The following GEMIN5 variants were observed in gnomAD, a reference collection of about 807,000 sequenced individuals.
GEMIN5 encodes gem-associated protein 5.
Under a neutral mutation model 176.9 loss-of-function variants are expected in GEMIN5, and 124 were observed. The ratio of observed to expected loss-of-function variants is 0.70; its 90% CI spans 0.61 to 0.81. The LOEUF (loss-of-function observed/expected upper bound fraction) is 0.81, where lower values mean the gene tolerates loss of function less well. GEMIN5 is among the 40% of genes least tolerant of loss of function. The pLI, the probability that GEMIN5 is intolerant of heterozygous loss-of-function variation, is 0.00. For synonymous variants in GEMIN5, 673 were observed against 665.2 expected, an observed-to-expected ratio of 1.01 and a Z score of -0.18; for missense variants, 1,843 against 1,814.6, an observed-to-expected ratio of 1.02 and a Z score of -0.28.
At chr5:154,917,239 C>A (rs1763832219) in intron 12 of GEMIN5, 60 bp from the exon 13 acceptor site, 1 of 869,384 alleles carries the variant, frequency 1.2e-6, no homozygotes, top group Non-Finnish European at 1.7e-6. Flanking sequence ...AGTTACAATG[C>A]AAATAGTAGC....
chr5:154,917,477 C>G (rs1763837826), intron 12 of GEMIN5, among the ~76,000 whole-genome samples: 1 of 152,164 alleles, frequency 6.6e-6, no homozygotes. Context: ...TCCTAGCATT[C>G]TAACAATGCT....
rs1763172322 is a variant in GEMIN5 at position 154,889,207 on chromosome 5, G to A, written c.4359+114C>T. 7 of 620,482 alleles carry A rather than the reference G, an allele frequency of 1.1e-5. No individual in the cohort carries two copies. The Admixed American group carries it at 1.3e-4, about 11-fold the overall frequency. The allele number at this position is 620,482 out of a possible 1,614,324, so 38.4% of individuals were successfully genotyped here. On this transcript the variant is annotated intron_variant, in intron 27 of 27. Coordinates refer to ENST00000285873, the MANE Select transcript of GEMIN5 (RefSeq NM_015465.5). The stretch of plus-strand genomic sequence containing the variant: ...CTAAATTCTTAAGCACATATGAATG[G>A]GTAGAGATTTTAGAAACTGAACAGA...
intron 3 of GEMIN5, 95 bp downstream of exon 3, chr5:154,935,746 T>TA (rs1764253800): frequency 1.2e-6 from 1 of 836,954 alleles, no homozygotes; most frequent in Admixed American, 2.3e-5. Flanking sequence ...GTAGATGGTT[T>TA]CCTTTGAGGA....
At position 154,913,050 on chromosome 5, in the gene GEMIN5, AG is replaced by A. The variant is rs1221436386; in HGVS notation, c.1856-13del. 15 of 1,597,188 alleles carry A rather than the reference AG, an allele frequency of 9.4e-6. No homozygotes were observed. Among genetic ancestry groups the A allele is most frequent in the Non-Finnish European group, 1.3e-5 (15 of 1,171,546 alleles). ...CTCAGGGCTGCTCTCTAAAAGGCAA[AG>A]GAAAGACATCACTGCTGCTACTACT... On this transcript the variant is annotated splice_polypyrimidine_tract_variant and intron_variant, in intron 13 of 27. Coordinates refer to ENST00000285873, the MANE Select transcript of GEMIN5 (RefSeq NM_015465.5).
chr5:154,899,828 G>A (rs1763429314), intron 21 of GEMIN5, among the ~76,000 whole-genome samples: 1 of 151,924 alleles, frequency 6.6e-6, no homozygotes, highest in Non-Finnish European at 1.5e-5. Context: ...AACATTTTGT[G>A]TTCTCTGCTG....
At chr5:154,928,478 A>T (rs1291569690) in intron 6 of GEMIN5, 49 bp downstream of exon 6, 1 of 1,592,256 alleles carries the variant, frequency 6.3e-7, no homozygotes, top group Non-Finnish European at 8.6e-7. Context: ...CTTGAGGCCA[A>T]ATAGAAAAAC....
Position 154,912,948 on chromosome 5 carries a change from G to A in GEMIN5, c.1946C>T (p.Pro649Leu). Reference protein sequence around the residue: ...TAKITSVAWSPHHDGRLVSAS... With the variant: ...TAKITSVAWSLHHDGRLVSAS... ...AGATACCAGCCTTCCATCATGATGTGGGCTCCACGCCACACTGGTAATCTT... is the reference window on the plus strand; with the variant it reads ...AGATACCAGCCTTCCATCATGATGTAGGCTCCACGCCACACTGGTAATCTT... Residue 649 changes from proline (P) to leucine (L), a missense_variant, in exon 14 of 28, where the codon CCA becomes CTA. By Grantham distance (98) the Pro-to-Leu change is moderately conservative (BLOSUM62 -3). Coordinates refer to ENST00000285873, the MANE Select transcript of GEMIN5 (RefSeq NM_015465.5). 3.7e-6 allele frequency: 6 copies of A among 1,613,756 alleles called. No individual in the cohort carries two copies. The highest frequency in any genetic ancestry group is 5.1e-6 in the Non-Finnish European group (6 of 1,179,672).
intron 14 of GEMIN5, among the ~76,000 whole-genome samples, chr5:154,912,660 T>TA (rs892500321): frequency 7.0e-4 from 107 of 152,240 alleles, no homozygotes; most frequent in African/African-American, 2.5e-3. Context: ...GTAAAAATGT[T>TA]AGAGTTAGCT....
Position 154,898,442 on chromosome 5 carries a change from G to A in GEMIN5, c.3343C>T (p.Gln1115Ter), listed in dbSNP as rs758254908. ...AGGAGATGAAATAACAGACTGACCT[G>A]TAGACTTTCATGCAGCTGCAGGGCT... ...QEALQLHESLQGQRLVFCLLE... is the reference protein window; with the variant it reads ...QEALQLHESL Residue 1115 changes from glutamine to a stop codon, truncating the protein, a stop_gained and splice_region_variant, in exon 23 of 28, where the codon CAG becomes TAG. Coordinates refer to ENST00000285873, the MANE Select transcript of GEMIN5 (RefSeq NM_015465.5). LOFTEE classifies it high-confidence loss of function. The A allele has an allele frequency of 2.5e-6, 4 of 1,611,870 alleles. No homozygotes were observed. Among genetic ancestry groups the A allele is most frequent in the Non-Finnish European group, 3.4e-6 (4 of 1,177,942 alleles).
intron 5 of GEMIN5, among the ~76,000 whole-genome samples, chr5:154,929,661 G>T (rs1215553178): frequency 6.6e-6 from 1 of 152,206 alleles, no homozygotes; most frequent in Non-Finnish European, 1.5e-5. Context: ...AAGTCTAGAG[G>T]TTACCCTCCT....
intron 9 of GEMIN5, among the ~76,000 whole-genome samples, chr5:154,923,404 AG>A (rs1224110053): frequency 6.6e-6 from 1 of 152,170 alleles, no homozygotes; most frequent in African/African-American, 2.4e-5. Context: ...ACAGCTCTGC[AG>A]TATCATAAAT....
chr5:154,888,137 G>A lies in GEMIN5; in HGVS notation c.*73C>T. The A allele has an allele frequency of 7.4e-7, 1 of 1,356,074 alleles. No individual in the cohort carries two copies. Among genetic ancestry groups the A allele is most frequent in the East Asian group, 2.3e-5 (1 of 43,640 alleles). The allele number at this position is 1,356,074 out of a possible 1,614,324, so 84.0% of individuals were successfully genotyped here. A position where few individuals can be genotyped will look rare whatever the true frequency, so the allele number is the denominator to read the frequency against. ...ATCTAGGGACCAGAGTGAATGTCTG[G>A]TGAGGCATAACTGCAGAGGTGAAAG... is the stretch of plus-strand genomic sequence containing the variant. On this transcript the variant is annotated 3_prime_UTR_variant, in exon 28 of 28. Transcript: ENST00000285873.
chr5:154,925,852 G>C lies in GEMIN5; in HGVS notation c.1293+10C>G, dbSNP rs765608739. ...AAAGTTCAAAACAAGCTCAAAAAAA[G>C]AATCCTTACCGCTGTAACCTTGGAC... On this transcript the variant is annotated intron_variant, in intron 8 of 27. Coordinates refer to ENST00000285873, the MANE Select transcript of GEMIN5 (RefSeq NM_015465.5). 6.6e-7 allele frequency: 1 copy of C among 1,523,096 alleles called. No individual in the cohort carries two copies. The highest frequency in any genetic ancestry group is 1.2e-5 in the South Asian group (1 of 84,108). 94.3% of individuals were successfully genotyped at this position (1,523,096 alleles called of 1,614,324 possible). A position where few individuals can be genotyped will look rare whatever the true frequency, so the allele number is the denominator to read the frequency against.
chr5:154,932,078 T>C, intron 4 of GEMIN5, 21 bp downstream of exon 4: 1 of 1,585,516 alleles, frequency 6.3e-7, no homozygotes, highest in Non-Finnish European at 8.6e-7. Context: ...TGGACTTAAC[T>C]TTCCCTTAAA....
intron 16 of GEMIN5, among the ~76,000 whole-genome samples, 168 bp from the exon 17 acceptor site, chr5:154,905,644 C>T (rs967176407): frequency 1.3e-5 from 2 of 152,054 alleles, no homozygotes; most frequent in African/African-American, 2.4e-5. Context: ...GAGTAGTTTC[C>T]CCTTTCCCAC....
At chr5:154,921,200 T>A (rs967030541) in intron 10 of GEMIN5, 143 bp downstream of exon 10, 1 of 583,274 alleles carries the variant, frequency 1.7e-6, no homozygotes, top group African/African-American at 2.0e-5. Flanking sequence ...ACTACTGTCT[T>A]CATGAACCCC....
chr5:154,930,893 A>G (rs1248249712), intron 5 of GEMIN5, among the ~76,000 whole-genome samples: 7 of 152,236 alleles, frequency 4.6e-5, no homozygotes, highest in Non-Finnish European at 1.0e-4. Context: ...GAGAAAAACA[A>G]GATTTTTACT....
chr5:154,894,895 A>G (rs1763316569), intron 24 of GEMIN5, among the ~76,000 whole-genome samples: 1 of 141,286 alleles, frequency 7.1e-6, no homozygotes. Flanking sequence ...TGACAGAGTG[A>G]GACTCCATCT....
rs574787805 is a variant in GEMIN5, at chr5:154,938,151, G to C, written c.-18C>G. ...TGCCCCATAACTACAAGCCGTCAGA[G>C]ACAAGAGAAGCTGCCACAGCCGACC... On this transcript the variant is annotated 5_prime_UTR_variant, in exon 1 of 28. Coordinates refer to ENST00000285873, the MANE Select transcript of GEMIN5 (RefSeq NM_015465.5). The C allele has an allele frequency of 2.4e-5, 32 of 1,357,474 alleles. No individual in the cohort carries two copies. Among genetic ancestry groups the C allele is most frequent in the Non-Finnish European group, 7.6e-6 (8 of 1,048,084 alleles). 84.1% of individuals were successfully genotyped at this position (1,357,474 alleles called of 1,614,324 possible).
Sources: gnomAD v4.1 joint callset for allele counts (sites outside exome capture counted in the v4.1 genomes callset) on GRCh38, gnomAD v4.1.1 for gene constraint, MANE v1.5 for transcripts, NCBI Gene and HGNC (gene_info 2026-07-23, HGNC 2026-07-21) for gene names.